Variants in ADH1C observed in about 807,000 individuals in gnomAD.
ADH1C encodes alcohol dehydrogenase 1C.
ADH1C carries 26 observed loss-of-function variants against 35.0 expected under a neutral mutation model. That is an observed-to-expected ratio of 0.74 (90% CI 0.54 to 1.03). ADH1C has a LOEUF of 1.03. Ranked by LOEUF, ADH1C falls within the 50% of genes least tolerant of loss-of-function variation. The pLI is 0.00. For synonymous variants in ADH1C, 170 were observed against 169.3 expected (o/e 1.00, Z -0.03); for missense variants, 413 against 465.4 (o/e 0.89, Z 1.04).
At position 99,347,766 on chromosome 4, in the gene ADH1C, C is replaced by T. The variant is rs2110661645; in HGVS notation, c.99G>A (p.Lys33=). The T allele has an allele frequency of 6.2e-7, 1 of 1,613,170 alleles. No individual in the cohort carries two copies. Among genetic ancestry groups the T allele is most frequent in the Non-Finnish European group, 8.5e-7 (1 of 1,179,392 alleles). The change falls in exon 2 of 9, where the codon AAG becomes AAA. Residue 33 remains lysine (K), a synonymous_variant. Transcript: ENST00000515683. ...TCACCTTAATGCGAACTTCATGAGC[C>T]TTAGGAGGTGCAACCTCTACCTCCT... ...SIEEVEVAPP[K]AHEVRIKMVA...
At position 99,345,027 on chromosome 4, in the gene ADH1C, G is replaced by C. The variant is rs532369179; in HGVS notation, c.402C>G (p.Ser134Arg). Residue 134 changes from serine to arginine, a missense_variant, in exon 5 of 9, where the codon AGC (serine) becomes AGG (arginine). Coordinates refer to ENST00000515683, the MANE Select transcript of ADH1C (RefSeq NM_000669.5). ...LQDGTRRFTC[S>R]GKPIHHFVGV... ...CGACGAAGTGGTGGATGGGCTTCCC[G>C]CTGCAGGTGAACCTCCTGGTGCCAT... 1.9e-5 allele frequency: 31 copies of C among 1,614,156 alleles called. No individual in the cohort carries two copies. Among genetic ancestry groups the C allele is most frequent in the Non-Finnish European group, 2.2e-5 (26 of 1,180,032 alleles).
At position 99,347,027 on chromosome 4, in the gene ADH1C, C is replaced by A. The variant is rs1381175547; in HGVS notation, c.238G>T (p.Gly80Trp). Residue 80 changes from glycine (G) to tryptophan (W), a missense_variant, in exon 3 of 9, where the codon GGG (glycine) becomes TGG (tryptophan). Gly to Trp is a radical substitution (Grantham distance 184). Coordinates refer to ENST00000515683, the MANE Select transcript of ADH1C (RefSeq NM_000669.5). ...AAGIVESVGEGVTTVKPGDKV... is the reference protein window; with the variant it reads ...AAGIVESVGEWVTTVKPGDKV... ...GTACCTGGTTTGACTGTAGTCACCC[C>A]TTCTCCAACACTTTCCACGATGCCG... The A allele has an allele frequency of 3.1e-6, 5 of 1,613,926 alleles. No individual in the cohort carries two copies. Among genetic ancestry groups the A allele is most frequent in the Non-Finnish European group, 4.2e-6 (5 of 1,179,990 alleles).
At position 99,343,043 on chromosome 4, in the gene ADH1C, AC is replaced by A; in HGVS notation, c.579del (p.Ser194LeufsTer62). 6.2e-7 allele frequency: 1 copy of A among 1,611,880 alleles called. No individual in the cohort carries two copies. Among genetic ancestry groups the A allele is most frequent in the Non-Finnish European group, 8.5e-7 (1 of 1,179,236 alleles). On this transcript the variant is annotated frameshift_variant, in exon 6 of 9. Transcript: ENST00000515683. LOFTEE classifies it high-confidence loss of function. ...CCCAGGCCAAACACAGCACAGGTAG[AC>A]CCTGGGGTGACCTATGTTTTCAGAA... is the stretch of plus-strand genomic sequence containing the variant. The part of the protein sequence containing the change: ...SAVKVAKVTP[G>X]STCAVFGLGG...
intron 5 of ADH1C, among the ~76,000 whole-genome samples, chr4:99,344,401 AT>A (rs1350043310): frequency 6.6e-6 from 1 of 152,172 alleles, no homozygotes; most frequent in Non-Finnish European, 1.5e-5. Context: ...TTCGAGGTGC[AT>A]CAGGTAAGGT....
At chr4:99,350,999 A>C (rs1734663555) in intron 1 of ADH1C, 1 of 152,168 alleles carries the variant, frequency 6.6e-6, no homozygotes, top group African/African-American at 2.4e-5. Flanking sequence ...TTAGCCAAGC[A>C]TGGTGGCGTG....
chr4:99,346,975 A>C (rs33988198), intron 3 of ADH1C, 31 bp downstream of exon 3: 154,016 of 1,606,348 alleles, frequency 0.096, 7,956 homozygotes, highest in Admixed American at 0.13. Context: ...ATGGTGAACC[A>C]AGGCATGTTC....
At chr4:99,352,589 A>T in intron 1 of ADH1C, 69 bp downstream of exon 1, 4 of 1,340,284 alleles carry the variant, frequency 3.0e-6, no homozygotes, top group Non-Finnish European at 4.2e-6. Context: ...ATTCATTATT[A>T]ATACTGTATT....
At position 99,336,711 on chromosome 4, in the gene ADH1C, G is replaced by A. The variant is rs2110650461; in HGVS notation, c.*41C>T. Reference sequence around the variant, plus strand: ...GTTGCTCCAGATCATGTAGGGTAGAGGAGGCTGAAAACTGCTACAAGGGAA... The same window carrying A: ...GTTGCTCCAGATCATGTAGGGTAGAAGAGGCTGAAAACTGCTACAAGGGAA... On this transcript the variant is annotated 3_prime_UTR_variant, in exon 9 of 9. Transcript: ENST00000515683. The A allele has an allele frequency of 1.2e-6, 2 of 1,608,886 alleles. No homozygotes were observed. Among genetic ancestry groups the A allele is most frequent in the East Asian group, 4.5e-5 (2 of 44,830 alleles).
Position 99,336,506 on chromosome 4 carries a change from AG to A in ADH1C, c.*245del, listed in dbSNP as rs1734280101. 1.8e-6 allele frequency: 1 copy of A among 559,686 alleles called. No individual in the cohort carries two copies. Among genetic ancestry groups the A allele is most frequent in the African/African-American group, 1.9e-5 (1 of 52,968 alleles). The allele number at this position is 559,686 out of a possible 1,614,324, so 34.7% of individuals were successfully genotyped here. Reference sequence around the variant, plus strand: ...TGGCACACAAGTTGAATGGTTAAGAAGGAAGGTTTATTGGCTTCAATTCCCC... The same window carrying A: ...TGGCACACAAGTTGAATGGTTAAGAAGAAGGTTTATTGGCTTCAATTCCCC... On this transcript the variant is annotated 3_prime_UTR_variant, in exon 9 of 9. Coordinates refer to ENST00000515683, the MANE Select transcript of ADH1C (RefSeq NM_000669.5).
At chr4:99,342,734 TG>T (rs1172810292) in intron 6 of ADH1C, 60 bp downstream of exon 6, 3 of 1,607,334 alleles carry the variant, frequency 1.9e-6, no homozygotes, top group Non-Finnish European at 2.6e-6. Context: ...TATATTCTAC[TG>T]CCTAAATGCA....
chr4:99,336,647 A>G lies in ADH1C; in HGVS notation c.*105T>C. ...AAGCTCCCACGTGTAATTTATTTTT[A>G]ACATCTCTGAAGAGCAGAATTAATG... On this transcript the variant is annotated 3_prime_UTR_variant, in exon 9 of 9. Coordinates refer to ENST00000515683, the MANE Select transcript of ADH1C (RefSeq NM_000669.5). 7.3e-7 allele frequency: 1 copy of G among 1,378,254 alleles called. No homozygotes were observed. The highest frequency in any genetic ancestry group is 1.0e-6 in the Non-Finnish European group (1 of 984,178). 85.4% of individuals were successfully genotyped at this position (1,378,254 alleles called of 1,614,324 possible).
At chr4:99,351,250 CTT>C (rs1324179315) in intron 1 of ADH1C, 1 of 152,126 alleles carries the variant, frequency 6.6e-6, no homozygotes, top group Non-Finnish European at 1.5e-5. Flanking sequence ...TATTTATTGA[CTT>C]ATTTTTATTT....
At chr4:99,349,111 T>G in intron 1 of ADH1C, among the ~76,000 whole-genome samples, 1 of 139,942 alleles carries the variant, frequency 7.1e-6, no homozygotes, top group Admixed American at 7.3e-5. Flanking sequence ...TCTTTTGCTG[T>G]GCAGAAGCTC....
At chr4:99,346,617 GT>G (rs147264242) in intron 3 of ADH1C, among the ~76,000 whole-genome samples, 89 of 151,228 alleles carry the variant, frequency 5.9e-4, no homozygotes, top group African/African-American at 2.0e-3. Context: ...CCATACTTAT[GT>G]TTTTTTTTCT....
At chr4:99,344,020 T>C (rs994485361) in intron 5 of ADH1C, among the ~76,000 whole-genome samples, 6 of 152,194 alleles carry the variant, frequency 3.9e-5, no homozygotes, top group Non-Finnish European at 8.8e-5. Flanking sequence ...CTTAGAAAAA[T>C]ACAAGGCTTG....
chr4:99,338,420 T>TATAC (rs1560535469), intron 8 of ADH1C, among the ~76,000 whole-genome samples: 1 of 69,350 alleles, frequency 1.4e-5, no homozygotes, highest in Non-Finnish European at 2.8e-5. Flanking sequence ...TATATATATA[T>TATAC]ATATATATAT....
In ADH1C at chr4:99,345,193, G is replaced by A; in HGVS notation, c.333C>T (p.Tyr111=). Residue 111 remains tyrosine (Y), a synonymous_variant, in exon 4 of 9, where the codon TAC becomes TAT. Coordinates refer to ENST00000515683, the MANE Select transcript of ADH1C (RefSeq NM_000669.5). Reference sequence around the variant, plus strand: ...CAGAAACTTACTCATTTTTCAAGCAGTAGTTGCTTTCTGGGTTTTTACAAA... The same window carrying A: ...CAGAAACTTACTCATTTTTCAAGCAATAGTTGCTTTCTGGGTTTTTACAAA... The part of the protein sequence containing the change: ...CRICKNPESN[Y]CLKNDLGNPR... The A allele has an allele frequency of 6.2e-7, 1 of 1,614,026 alleles. No individual in the cohort carries two copies. Among genetic ancestry groups the A allele is most frequent in the Non-Finnish European group, 8.5e-7 (1 of 1,179,918 alleles).
chr4:99,344,800 C>A (rs283411), intron 5 of ADH1C, 62 bp downstream of exon 5: 100,635 of 1,588,928 alleles, frequency 0.063, 3,490 homozygotes, highest in Middle Eastern at 0.074. Context: ...CAAGAAATTG[C>A]TTCCCTTTTG....
chr4:99,348,243 A>C (rs1167885170), intron 1 of ADH1C, among the ~76,000 whole-genome samples: 2 of 149,924 alleles, frequency 1.3e-5, no homozygotes, highest in Non-Finnish European at 3.0e-5. Flanking sequence ...GTCATCTAGC[A>C]TTAGGTATAT....
Sources: allele counts gnomAD v4.1 joint callset (sites outside exome capture counted in the v4.1 genomes callset), GRCh38; gene constraint gnomAD v4.1.1; transcripts MANE v1.5; gene names NCBI Gene and HGNC (gene_info 2026-07-23, HGNC 2026-07-21).